Variants in CNTRL observed in about 807,000 individuals in gnomAD.
CNTRL encodes the protein centriolin, also known as 110 kDa centrosomal protein.
In CNTRL, 233 loss-of-function variants were observed where a neutral mutation model predicts 303.7. That is an observed-to-expected ratio of 0.77 (90% CI 0.69 to 0.86). The LOEUF is 0.86. Ranked by LOEUF, CNTRL falls within the 40% of genes least tolerant of loss-of-function variation. CNTRL has a pLI of 0.00. For missense variants in CNTRL, 2,524 were observed against 2,650.6 expected, an observed-to-expected ratio of 0.95 and a Z score of 1.05; for synonymous variants, 900 against 922.2, an observed-to-expected ratio of 0.98 and a Z score of 0.44.
chr9:121,175,141 A>T lies in CNTRL; in HGVS notation c.6871A>T (p.Thr2291Ser), dbSNP rs200591190. 76 of 1,613,938 alleles carry T rather than the reference A, an allele frequency of 4.7e-5. No homozygotes were observed. The highest frequency in any genetic ancestry group is 6.0e-5 in the Non-Finnish European group (71 of 1,180,014). ...TGCTTTAGGGGAATTGGTCACCAGC[A>T]CCTCTGCAGATTCAGCGTCATCACC... The part of the protein sequence containing the change: ...VDALGELVTS[T>S]SADSASSPSL... The change falls in exon 43 of 44, where the codon ACC becomes TCC. Residue 2291 changes from threonine to serine, a missense_variant. Thr to Ser is a moderately conservative substitution (Grantham distance 58). Transcript: ENST00000373855.
intron 11 of CNTRL, among the ~76,000 whole-genome samples, chr9:121,115,517 G>A (rs2049937496): frequency 6.6e-6 from 1 of 151,456 alleles, no homozygotes; most frequent in East Asian, 1.9e-4. Flanking sequence ...AAGATCCTGG[G>A]ACTTAGATTA....
chr9:121,090,958 A>G (rs2048543773), intron 4 of CNTRL, among the ~76,000 whole-genome samples: 3 of 152,212 alleles, frequency 2.0e-5, no homozygotes, highest in South Asian at 2.1e-4. Flanking sequence ...CACGTCTTAC[A>G]TGGATGGCAG....
intron 24 of CNTRL, among the ~76,000 whole-genome samples, chr9:121,149,167 G>C (rs73660409): frequency 0.13 from 19,301 of 152,148 alleles, 1,318 homozygotes; most frequent in East Asian, 0.17. Context: ...CTCTTTGACT[G>C]TACTGGAGCA....
intron 1 of CNTRL, among the ~76,000 whole-genome samples, chr9:121,078,238 C>T (rs978834112): frequency 2.0e-5 from 3 of 152,104 alleles, no homozygotes; most frequent in African/African-American, 7.2e-5. Context: ...AAAACCTCAT[C>T]TCTACTAAAA....
At chr9:121,155,174 A>T (rs1382069006) in intron 27 of CNTRL, among the ~76,000 whole-genome samples, 2 of 152,228 alleles carry the variant, frequency 1.3e-5, no homozygotes, top group South Asian at 4.1e-4. Flanking sequence ...AAAACAGCGT[A>T]TTTAAAATTC....
At chr9:121,166,029 C>A (rs1376842723) in intron 35 of CNTRL, 78 bp from the exon 36 acceptor site, 1 of 1,109,668 alleles carries the variant, frequency 9.0e-7, no homozygotes, top group South Asian at 1.4e-5. Flanking sequence ...AACTTCTCTA[C>A]TTTTTGGGAA....
At position 121,096,567 on chromosome 9, in the gene CNTRL, A is replaced by G. The variant is rs1267950504; in HGVS notation, c.621+4A>G. 1 of 1,431,264 alleles carries G rather than the reference A, an allele frequency of 7.0e-7. No individual in the cohort carries two copies. 88.7% of individuals were successfully genotyped at this position (1,431,264 alleles called of 1,614,324 possible). The stretch of plus-strand genomic sequence containing the variant: ...GAAAGGCAACAAGATATCATCGGTA[A>G]GTTATTCAAAATAGCAGGAATTTTT... On this transcript the variant is annotated splice_donor_region_variant and intron_variant, in intron 6 of 43. Transcript: ENST00000373855.
chr9:121,112,323 C>A, intron 8 of CNTRL, 136 bp from the exon 9 acceptor site: 1 of 508,170 alleles, frequency 2.0e-6, no homozygotes, highest in Non-Finnish European at 3.3e-6. Context: ...ATAAAATGTT[C>A]TGAGTGTTGT....
In CNTRL at chr9:121,168,165, A is replaced by C. The variant is rs537569670; in HGVS notation, c.5914A>C (p.Lys1972Gln). ...SKLETSKVTL[K>Q]EQQHQLEKEL... Reference sequence around the variant, plus strand: ...ATTAGAAACCAGTAAAGTGACACTGAAGGAGCAACAGCACCAGCTGGAAAA... The same window carrying C: ...ATTAGAAACCAGTAAAGTGACACTGCAGGAGCAACAGCACCAGCTGGAAAA... Residue 1972 changes from lysine (K) to glutamine (Q), a missense_variant, in exon 38 of 44, where the codon AAG becomes CAG. Physicochemically the swap from Lys to Gln is moderately conservative, Grantham distance 53. Transcript: ENST00000373855. The C allele has an allele frequency of 1.2e-5, 19 of 1,614,172 alleles. No individual in the cohort carries two copies. In the East Asian group the frequency reaches 1.6e-4, roughly 13 times the overall value.
At chr9:121,157,327 G>T (rs535641762) in intron 27 of CNTRL, 143 bp from the exon 28 acceptor site, 2 of 709,832 alleles carry the variant, frequency 2.8e-6, no homozygotes, top group South Asian at 5.4e-5. Flanking sequence ...ATTATTTACC[G>T]AGAATTAGAG....
intron 23 of CNTRL, among the ~76,000 whole-genome samples, chr9:121,147,018 T>A (rs1216209966): frequency 1.3e-5 from 2 of 152,232 alleles, no homozygotes; most frequent in Non-Finnish European, 2.9e-5. Context: ...CTTTTTGTTT[T>A]TTGAGACGGA....
chr9:121,115,808 G>A (rs1175929198), intron 11 of CNTRL, among the ~76,000 whole-genome samples: 1 of 152,142 alleles, frequency 6.6e-6, no homozygotes, highest in African/African-American at 2.4e-5. Context: ...AATTATGATG[G>A]TAACTACATT....
At chr9:121,110,125 G>C (rs188547532) in intron 8 of CNTRL, among the ~76,000 whole-genome samples, 1 of 152,126 alleles carries the variant, frequency 6.6e-6, no homozygotes, top group Admixed American at 6.6e-5. Flanking sequence ...TAGCACTGAA[G>C]TAAGTCTTCT....
intron 14 of CNTRL, among the ~76,000 whole-genome samples, chr9:121,130,140 T>C (rs912504737): frequency 1.3e-5 from 2 of 152,250 alleles, no homozygotes; most frequent in African/African-American, 4.8e-5. Context: ...AGGATGATGC[T>C]GGCCTCATAA....
At position 121,144,847 on chromosome 9, in the gene CNTRL, T is replaced by C; in HGVS notation, c.3056T>C (p.Leu1019Ser). ...CTCATACTTCTGTCCCAGTAGGAGT[T>C]GCAGGAAGCAGAGAGGTTCAGCAGA... Reference protein sequence around the residue: ...MKINQERAEELQEAERFSRKA... With the variant: ...MKINQERAEESQEAERFSRKA... Residue 1019 changes from leucine (L) to serine (S), a missense_variant, in exon 21 of 44, where the codon TTG (leucine) becomes TCG (serine). By Grantham distance (145) the Leu-to-Ser change is moderately radical (BLOSUM62 -2). Transcript: ENST00000373855. 1 of 1,612,642 alleles carries C rather than the reference T, an allele frequency of 6.2e-7. No homozygotes were observed. Among genetic ancestry groups the C allele is most frequent in the Non-Finnish European group, 8.5e-7 (1 of 1,179,486 alleles).
At position 121,098,156 on chromosome 9, in the gene CNTRL, A is replaced by T. The variant is rs138345627; in HGVS notation, c.622-230A>T. 3.3e-4 allele frequency among the ~76,000 whole-genome samples: 51 copies of T among 152,284 alleles called. No individual in the cohort carries two copies. In the East Asian group the frequency reaches 8.7e-3, roughly 26 times the overall value. ...GTAAAATTAAGATGATACTTACATGATAAGTTGTTGTGAGGAGTCACAAAT... is the reference window on the plus strand; with the variant it reads ...GTAAAATTAAGATGATACTTACATGTTAAGTTGTTGTGAGGAGTCACAAAT... On this transcript the variant is annotated intron_variant, in intron 6 of 43. Transcript: ENST00000373855.
chr9:121,100,974 C>A (rs527452422), intron 7 of CNTRL, among the ~76,000 whole-genome samples: 1 of 151,682 alleles, frequency 6.6e-6, no homozygotes, highest in African/African-American at 2.4e-5. Context: ...GACTTTAACA[C>A]CCCCCACTGT....
chr9:121,126,470 C>G (rs2050530709), intron 14 of CNTRL, among the ~76,000 whole-genome samples: 1 of 152,062 alleles, frequency 6.6e-6, no homozygotes, highest in Non-Finnish European at 1.5e-5. Context: ...TTCCAAACTT[C>G]TTGTTCAGTA....
chr9:121,122,495 G>A (rs900199523), intron 12 of CNTRL: 4 of 671,480 alleles, frequency 6.0e-6, no homozygotes, highest in African/African-American at 2.0e-5. Context: ...GAGATCATTG[G>A]TGTTCATTTT....
Sources: allele counts gnomAD v4.1 joint callset (sites outside exome capture counted in the v4.1 genomes callset), GRCh38; gene constraint gnomAD v4.1.1; transcripts MANE v1.5; gene names NCBI Gene and HGNC (gene_info 2026-07-23, HGNC 2026-07-21).